PRIM2: variants seen among roughly 807,000 people sequenced by gnomAD.
The protein encoded by PRIM2 is DNA primase large subunit.
Under a neutral mutation model 67.3 loss-of-function variants are expected in PRIM2, and 39 were observed. The observed-to-expected ratio is 0.58, with a 90% CI of 0.45 to 0.76. The LOEUF (loss-of-function observed/expected upper bound fraction) is 0.76, where lower values mean the gene tolerates loss of function less well. PRIM2 is among the 30% of genes least tolerant of loss of function. The pLI is 0.00. For missense variants in PRIM2, 398 were observed against 598.7 expected (o/e 0.66, Z 3.50); for synonymous variants, 143 against 198.7 (o/e 0.72, Z 2.36).
chr6:57,310,576 T>C (rs1391549324), upstream of PRIM2, among the ~76,000 whole-genome samples: 2 of 152,272 alleles, frequency 1.3e-5, no homozygotes, highest in Non-Finnish European at 2.9e-5. Context: ...TTTGGAGCTG[T>C]TGGGTACACT....
the PRIM2 span, among the ~76,000 whole-genome samples, chr6:57,255,264 C>T: frequency 3.8e-4 from 58 of 152,132 alleles, 1 homozygote; most frequent in Middle Eastern, 3.4e-3. Flanking sequence ...TCTGGGAGGC[C>T]GAGGCGGGCG....
chr6:57,639,570 A>G lies in PRIM2; in HGVS notation c.1300-6358A>G, dbSNP rs1336480228. ...TGCAATAAAAAATGATAAAGGGGAT[A>G]TCACCACTGATCCCACAGAAATACA... is the stretch of plus-strand genomic sequence containing the variant. On this transcript the variant is annotated intron_variant, in intron 13 of 13. Coordinates refer to ENST00000615550, the MANE Select transcript of PRIM2 (RefSeq NM_000947.5). Among the ~76,000 whole-genome samples the G allele has an allele frequency of 1.1e-3, 160 of 145,784 alleles. 3 individuals are homozygous for G. The highest frequency in any genetic ancestry group is 1.2e-3 in the Admixed American group (18 of 14,578).
At chr6:57,280,002 A>G in the PRIM2 span, among the ~76,000 whole-genome samples, 1 of 152,308 alleles carries the variant, frequency 6.6e-6, no homozygotes, top group African/African-American at 2.4e-5. Context: ...GGAAGAGGAC[A>G]AGAGATGAGG....
At position 57,609,193 on chromosome 6, in the gene PRIM2, C is replaced by CA. The variant is rs1323679413; in HGVS notation, c.1230+2739dup. Among the ~76,000 whole-genome samples the CA allele has an allele frequency of 3.9e-3, 592 of 152,166 alleles. 3 individuals carry two copies. Among genetic ancestry groups the CA allele is most frequent in the African/African-American group, 0.013 (557 of 41,490 alleles). ...ATGCAGAGAGAGGCAAATAGGAACT[C>CA]AAAGACAAAAGTGAAAAAGTAACTT... On this transcript the variant is annotated intron_variant, in intron 12 of 13. Transcript: ENST00000615550.
chr6:57,351,902 G>T (rs937024217), intron 5 of PRIM2, among the ~76,000 whole-genome samples: 4 of 152,176 alleles, frequency 2.6e-5, no homozygotes, highest in African/African-American at 9.7e-5. Context: ...TCATGACCCC[G>T]TGTAAGTTAC....
chr6:57,594,581 T>G (rs1319779636), intron 10 of PRIM2, among the ~76,000 whole-genome samples: 1 of 152,218 alleles, frequency 6.6e-6, no homozygotes, highest in African/African-American at 2.4e-5. Flanking sequence ...AGAAAGTGTC[T>G]TCAACATATG....
chr6:57,426,563 T>G (rs1771632761), intron 7 of PRIM2, among the ~76,000 whole-genome samples: 1 of 152,184 alleles, frequency 6.6e-6, no homozygotes. Context: ...AAATGCAAAT[T>G]AAAGCCACAG....
intron 10 of PRIM2, among the ~76,000 whole-genome samples, chr6:57,575,702 C>CT (rs1284972517): frequency 2.6e-5 from 4 of 151,358 alleles, no homozygotes; most frequent in African/African-American, 7.3e-5. Context: ...TTTAATTAAT[C>CT]TTTTTTTTTC....
intron 8 of PRIM2, among the ~76,000 whole-genome samples, chr6:57,510,705 C>T (rs1774347737): frequency 1.3e-5 from 2 of 152,216 alleles, no homozygotes; most frequent in South Asian, 2.1e-4. Flanking sequence ...ATGTATATGT[C>T]GGGTGGCAGC....
the PRIM2 span, among the ~76,000 whole-genome samples, chr6:57,275,551 A>G: frequency 6.6e-6 from 1 of 152,266 alleles, no homozygotes. Context: ...GAATGAATCC[A>G]AATATTTGCT....
chr6:57,503,683 A>T (rs1386663928), intron 7 of PRIM2, among the ~76,000 whole-genome samples: 1 of 151,838 alleles, frequency 6.6e-6, no homozygotes, highest in Non-Finnish European at 1.5e-5. Context: ...CGGGAGGCGG[A>T]GGTTGGAGGT....
intron 13 of PRIM2, among the ~76,000 whole-genome samples, chr6:57,632,922 C>G (rs1777059601): frequency 6.6e-6 from 1 of 152,290 alleles, no homozygotes; most frequent in South Asian, 2.1e-4. Flanking sequence ...TTGCCAGCTT[C>G]CTTAGTACAA....
chr6:57,273,674 C>T, the PRIM2 span, among the ~76,000 whole-genome samples: 6 of 152,250 alleles, frequency 3.9e-5, no homozygotes, highest in African/African-American at 1.2e-4. Context: ...TGGTGAGGAG[C>T]TGCATTCCTT....
At chr6:57,403,249 AT>A (rs71299587) in intron 7 of PRIM2, among the ~76,000 whole-genome samples, 329 of 110,198 alleles carry the variant, frequency 3.0e-3, no homozygotes, top group African/African-American at 3.5e-3. Flanking sequence ...CAGGTGAAGA[AT>A]TTTTTTTTTT....
chr6:57,600,022 CTG>C (rs1776433212), intron 10 of PRIM2, among the ~76,000 whole-genome samples: 3 of 152,114 alleles, frequency 2.0e-5, no homozygotes, highest in African/African-American at 7.2e-5. Flanking sequence ...CATTTAATAA[CTG>C]TTGTACATCA....
chr6:57,528,153 G>A (rs1404887102), intron 8 of PRIM2, among the ~76,000 whole-genome samples: 1 of 149,346 alleles, frequency 6.7e-6, no homozygotes, highest in Non-Finnish European at 1.5e-5. Context: ...TTTTTATAGC[G>A]ATGATGTCTT....
At chr6:57,331,189 GAAA>G (rs147300105) in intron 5 of PRIM2, among the ~76,000 whole-genome samples, 1 of 98,458 alleles carries the variant, frequency 1.0e-5, no homozygotes, top group African/African-American at 3.7e-5. Context: ...CTTTGTCTCA[GAAA>G]AAAAAAAAAA....
intron 10 of PRIM2, among the ~76,000 whole-genome samples, chr6:57,595,084 G>A (rs1181570530): frequency 3.9e-5 from 6 of 152,130 alleles, no homozygotes; most frequent in African/African-American, 1.4e-4. Context: ...CCACCAGAAT[G>A]GCTAAAATTA....
At chr6:57,285,802 A>G in the PRIM2 span, among the ~76,000 whole-genome samples, 1 of 152,204 alleles carries the variant, frequency 6.6e-6, no homozygotes, top group Admixed American at 6.5e-5. Context: ...TCAAATAGGA[A>G]GAGGAAGTCA....
Sources: gnomAD v4.1 joint callset for allele counts (sites outside exome capture counted in the v4.1 genomes callset) on GRCh38, gnomAD v4.1.1 for gene constraint, MANE v1.5 for transcripts, NCBI Gene and HGNC (gene_info 2026-07-23, HGNC 2026-07-21) for gene names.